CNTN4: variants seen among roughly 807,000 people sequenced by gnomAD.
CNTN4 encodes the protein contactin 4.
A neutral mutation model predicts 122.5 loss-of-function variants in CNTN4; 77 were observed. The observed-to-expected ratio is 0.63, with a 90% CI of 0.52 to 0.76. CNTN4 has a LOEUF of 0.76. Among genes scored for constraint, CNTN4 ranks in the 30% least tolerant of loss-of-function variants. The pLI, the probability that CNTN4 is intolerant of heterozygous loss-of-function variation, is 0.00. For synonymous variants in CNTN4, 512 were observed against 447.0 expected, an observed-to-expected ratio of 1.15 and a Z score of -1.83; for missense variants, 1,256 against 1,259.1, an observed-to-expected ratio of 1.00 and a Z score of 0.04.
chr3:2,406,035 G>GA (rs1332650119), intron 3 of CNTN4, among the ~76,000 whole-genome samples: 47 of 148,558 alleles, frequency 3.2e-4, no homozygotes, highest in African/African-American at 6.2e-4. Context: ...TTAAAAAAAA[G>GA]AAAAAAAACA....
intron 6 of CNTN4, among the ~76,000 whole-genome samples, chr3:2,761,059 T>A (rs2090568104): frequency 6.6e-6 from 1 of 152,182 alleles, no homozygotes; most frequent in Admixed American, 6.5e-5. Flanking sequence ...ATTTCTAACT[T>A]TTCCAAGACC....
intron 2 of CNTN4, among the ~76,000 whole-genome samples, chr3:2,129,396 A>G (rs1264231274): frequency 6.9e-6 from 1 of 144,628 alleles, no homozygotes; most frequent in Admixed American, 7.3e-5. Context: ...GTAGTTTTGC[A>G]TGGTGCAGGG....
intron 12 of CNTN4, among the ~76,000 whole-genome samples, chr3:2,906,947 T>C (rs2094241668): frequency 6.6e-6 from 1 of 152,136 alleles, no homozygotes; most frequent in African/African-American, 2.4e-5. Context: ...AGTTCCCTAT[T>C]TAATATCCCA....
At chr3:2,162,923 C>T (rs1194939911) in intron 2 of CNTN4, among the ~76,000 whole-genome samples, 1 of 151,940 alleles carries the variant, frequency 6.6e-6, no homozygotes, top group Non-Finnish European at 1.5e-5. Context: ...ATAGGGAGAC[C>T]CCATCTCTAC....
intron 6 of CNTN4, among the ~76,000 whole-genome samples, chr3:2,793,897 A>G (rs2092089782): frequency 6.6e-6 from 1 of 152,172 alleles, no homozygotes; most frequent in Non-Finnish European, 1.5e-5. Flanking sequence ...ATCTTTGAGA[A>G]TGAATCACTC....
chr3:2,528,764 T>C (rs2077490373), intron 3 of CNTN4, among the ~76,000 whole-genome samples: 1 of 152,086 alleles, frequency 6.6e-6, no homozygotes. Context: ...ACTCCATAAT[T>C]AGCCTACAAT....
Position 2,709,433 on chromosome 3 carries a change from C to T in CNTN4, c.56-26782C>T, listed in dbSNP as rs2086973022. Among the ~76,000 whole-genome samples, 1 of 151,952 alleles carries T rather than the reference C, an allele frequency of 6.6e-6. No homozygotes were observed. Among genetic ancestry groups the T allele is most frequent in the Admixed American group, 6.6e-5 (1 of 15,242 alleles). On this transcript the variant is annotated intron_variant, in intron 4 of 24. Transcript: ENST00000418658. The surrounding 1 kb of genome is among the most constrained non-coding windows in gnomAD (Gnocchi z 5.0). Reference sequence around the variant, plus strand: ...GTGCACCAGGGATTTTCAAAGTTCCCTCAGGTGATCATCGTGTGCAATGGG... The same window carrying T: ...GTGCACCAGGGATTTTCAAAGTTCCTTCAGGTGATCATCGTGTGCAATGGG...
intron 4 of CNTN4, among the ~76,000 whole-genome samples, chr3:2,591,140 C>A (rs893344656): frequency 2.0e-5 from 3 of 152,148 alleles, no homozygotes; most frequent in African/African-American, 7.2e-5. Context: ...TGCATCTCAC[C>A]ATCTAGACTG....
Position 2,841,052 on chromosome 3 carries a change from G to A in CNTN4, c.454+21471G>A, listed in dbSNP as rs560874451. On this transcript the variant is annotated intron_variant, in intron 7 of 24. Transcript: ENST00000418658. This position sits in a 1 kb window ranked among gnomAD's most constrained non-coding sequence, Gnocchi z 4.8. ...ATTATCATATGAAATCAAAGAGTGA[G>A]GAAAAAAGTCAAGGATCTTCAAAAT... Among the ~76,000 whole-genome samples, 1 of 152,192 alleles carries A rather than the reference G, an allele frequency of 6.6e-6. No individual in the cohort carries two copies. Among genetic ancestry groups the A allele is most frequent in the Non-Finnish European group, 1.5e-5 (1 of 68,000 alleles).
chr3:2,170,307 A>G (rs5017185), intron 2 of CNTN4, among the ~76,000 whole-genome samples: 2,823 of 151,278 alleles, frequency 0.019, 34 homozygotes, highest in Admixed American at 0.037. Flanking sequence ...GCGACACACC[A>G]AGACTCCGTC....
intron 9 of CNTN4, among the ~76,000 whole-genome samples, chr3:2,885,582 T>C (rs1404737762): frequency 1.3e-5 from 2 of 152,238 alleles, no homozygotes; most frequent in African/African-American, 2.4e-5. Context: ...ATTTATTCAT[T>C]ATTTGGATAT....
chr3:2,977,939 A>G lies in CNTN4; in HGVS notation c.1359-10406A>G, dbSNP rs1489668245. Among the ~76,000 whole-genome samples the G allele has an allele frequency of 3.3e-5, 5 of 152,160 alleles. No homozygotes were observed. The East Asian group carries it at 9.6e-4, about 29-fold the overall frequency. On this transcript the variant is annotated intron_variant, in intron 13 of 24. Transcript: ENST00000418658. ...ATGTAAAGAGACACACATCCGCACC[A>G]TGTGACGATGGAGGCAGAGATTGGA... is the stretch of plus-strand genomic sequence containing the variant.
At chr3:2,442,930 CTT>C (rs1355218488) in intron 3 of CNTN4, among the ~76,000 whole-genome samples, 1 of 151,882 alleles carries the variant, frequency 6.6e-6, no homozygotes, top group Non-Finnish European at 1.5e-5. Flanking sequence ...CCTTTTGATC[CTT>C]TTTAATAATT....
chr3:2,281,583 C>A (rs1308415314), intron 2 of CNTN4, among the ~76,000 whole-genome samples: 1 of 152,036 alleles, frequency 6.6e-6, no homozygotes, highest in Non-Finnish European at 1.5e-5. Flanking sequence ...CCCTGTCATG[C>A]CTGGCAATGT....
intron 4 of CNTN4, among the ~76,000 whole-genome samples, chr3:2,654,464 G>A (rs1043113130): frequency 4.5e-4 from 69 of 152,190 alleles, no homozygotes; most frequent in Non-Finnish European, 5.6e-4. Context: ...GTAATCCTAA[G>A]ATACAATCCT....
chr3:2,758,660 C>T (rs578175277), intron 6 of CNTN4, among the ~76,000 whole-genome samples: 21 of 151,972 alleles, frequency 1.4e-4, no homozygotes, highest in African/African-American at 4.8e-4. Context: ...GCGCACATCA[C>T]CACACGCAGC....
chr3:2,554,034 T>C (rs184196202), intron 3 of CNTN4, among the ~76,000 whole-genome samples: 4 of 152,320 alleles, frequency 2.6e-5, no homozygotes. Flanking sequence ...TGTATATGAA[T>C]TGATATCTCA....
chr3:2,956,651 A>G (rs893786303), intron 13 of CNTN4, among the ~76,000 whole-genome samples: 1 of 152,098 alleles, frequency 6.6e-6, no homozygotes, highest in Non-Finnish European at 1.5e-5. Context: ...AAGGTGTACA[A>G]CATGACTTGT....
At chr3:3,018,995 G>C (rs1292591019) in intron 14 of CNTN4, among the ~76,000 whole-genome samples, 1 of 152,218 alleles carries the variant, frequency 6.6e-6, no homozygotes, top group East Asian at 1.9e-4. Flanking sequence ...TTGAGCATCA[G>C]TGTAAATAAT....
Sources: gnomAD v4.1 joint callset for allele counts (sites outside exome capture counted in the v4.1 genomes callset) on GRCh38, gnomAD v4.1.1 for gene constraint, Gnocchi (gnomAD v3.1) non-coding constraint, MANE v1.5 for transcripts, NCBI Gene and HGNC (gene_info 2026-07-23, HGNC 2026-07-21) for gene names.